Variants in MEIS2 observed in about 807,000 individuals in gnomAD.
MEIS2 encodes Meis homeobox 2.
Under a neutral mutation model 58.6 loss-of-function variants are expected in MEIS2, and 9 were observed. The ratio of observed to expected loss-of-function variants is 0.15; its 90% CI spans 0.09 to 0.27. The LOEUF (loss-of-function observed/expected upper bound fraction) is 0.27, where lower values mean the gene tolerates loss of function less well. MEIS2 is among the 10% of genes least tolerant of loss of function. The pLI is 1.00. For synonymous variants in MEIS2, 221 were observed against 228.4 expected (o/e 0.97, Z 0.29); for missense variants, 427 against 635.0 (o/e 0.67, Z 3.52).
intron 8 of MEIS2, among the ~76,000 whole-genome samples, chr15:37,001,214 C>G (rs2060715984): frequency 6.6e-6 from 1 of 152,142 alleles, no homozygotes; most frequent in Non-Finnish European, 1.5e-5. Flanking sequence ...TCTCTAGTAT[C>G]TTCTTGGGCC....
At position 37,093,572 on chromosome 15, in the gene MEIS2, C is replaced by G; in HGVS notation, c.639+9G>C. The G allele has an allele frequency of 6.2e-7, 1 of 1,613,930 alleles. No individual in the cohort carries two copies. The highest frequency in any genetic ancestry group is 8.5e-7 in the Non-Finnish European group (1 of 1,179,840). On this transcript the variant is annotated intron_variant, in intron 6 of 11. Coordinates refer to ENST00000561208, the MANE Select transcript of MEIS2 (RefSeq NM_170675.5). Reference sequence around the variant, plus strand: ...GCCTTAAAAGATTGCTAAAGGCTAGCAGACTTACATGGTCAGCGAGATTTG... The same window carrying G: ...GCCTTAAAAGATTGCTAAAGGCTAGGAGACTTACATGGTCAGCGAGATTTG...
intron 7 of MEIS2, among the ~76,000 whole-genome samples, chr15:37,054,672 A>G (rs1007833846): frequency 6.6e-6 from 1 of 151,746 alleles, no homozygotes; most frequent in African/African-American, 2.4e-5. Flanking sequence ...TCCTGTCTCA[A>G]CCTCCCAAAG....
chr15:36,917,364 T>C (rs1241785499), intron 9 of MEIS2, among the ~76,000 whole-genome samples: 1 of 152,190 alleles, frequency 6.6e-6, no homozygotes, highest in African/African-American at 2.4e-5. Context: ...TCTGTAGTGG[T>C]TGGCATTTTA....
rs563260094 is a variant in MEIS2, at chr15:37,056,822, G to A, written c.755-19863C>T. ...CCTGACCCCCACCCTGGGCACAATG[G>A]AGCAGGGTCCAGCTCCGAACCGCTC... On this transcript the variant is annotated intron_variant, in intron 7 of 11. Coordinates refer to ENST00000561208, the MANE Select transcript of MEIS2 (RefSeq NM_170675.5). Among the ~76,000 whole-genome samples the A allele has an allele frequency of 3.5e-4, 53 of 152,332 alleles. 2 individuals carry two copies. The South Asian group carries it at 0.011, about 31-fold the overall frequency.
At position 36,922,781 on chromosome 15, in the gene MEIS2, T is replaced by C. The variant is rs561864643; in HGVS notation, c.978-26095A>G. On this transcript the variant is annotated intron_variant, in intron 9 of 11. Transcript: ENST00000561208. The stretch of plus-strand genomic sequence containing the variant: ...CGCATGCCACCACACCCGCCTAATA[T>C]TTGTATTTTTTTTTTTTTTAGAGAT... Among the ~76,000 whole-genome samples, 407 of 151,782 alleles carry C rather than the reference T, an allele frequency of 2.7e-3. 1 individual carries two copies. Among genetic ancestry groups the C allele is most frequent in the Non-Finnish European group, 4.3e-3 (294 of 67,916 alleles).
At chr15:37,043,634 G>A (rs753537563) in intron 7 of MEIS2, among the ~76,000 whole-genome samples, 10 of 150,968 alleles carry the variant, frequency 6.6e-5, no homozygotes, top group Non-Finnish European at 1.2e-4. Context: ...ATAGTTCGTA[G>A]GTGTTTTCAG....
intron 8 of MEIS2, among the ~76,000 whole-genome samples, chr15:37,027,029 C>T (rs2061730665): frequency 6.6e-6 from 1 of 152,112 alleles, no homozygotes; most frequent in African/African-American, 2.4e-5. Flanking sequence ...TAAAGGGTGC[C>T]AGTGATTATT....
chr15:37,044,307 T>C (rs1265724446), intron 7 of MEIS2, among the ~76,000 whole-genome samples: 4 of 152,198 alleles, frequency 2.6e-5, no homozygotes. Context: ...AGAGAGGCCC[T>C]GTATGTTCAC....
intron 8 of MEIS2, among the ~76,000 whole-genome samples, chr15:37,014,188 T>C (rs546629049): frequency 2.6e-5 from 4 of 152,194 alleles, no homozygotes; most frequent in Non-Finnish European, 5.9e-5. Flanking sequence ...TGCTTAGATA[T>C]ATGTGAAGCG....
chr15:37,058,903 C>G (rs532228777), intron 7 of MEIS2, among the ~76,000 whole-genome samples: 2 of 151,476 alleles, frequency 1.3e-5, no homozygotes, highest in African/African-American at 4.8e-5. Context: ...ATTTTTAAAG[C>G]AAACATACAT....
chr15:36,916,308 T>C (rs1222353411), intron 9 of MEIS2, among the ~76,000 whole-genome samples: 1 of 151,432 alleles, frequency 6.6e-6, no homozygotes, highest in Non-Finnish European at 1.5e-5. Flanking sequence ...GCGCCTGCAG[T>C]CCCAACTACG....
chr15:36,906,817 C>G, intron 9 of MEIS2, among the ~76,000 whole-genome samples: 1 of 152,180 alleles, frequency 6.6e-6, no homozygotes, highest in East Asian at 1.9e-4. Context: ...AAAATTACTT[C>G]CTTCCTCTTC....
At chr15:36,925,500 T>A (rs529250202) in intron 9 of MEIS2, among the ~76,000 whole-genome samples, 366 of 152,002 alleles carry the variant, frequency 2.4e-3, no homozygotes, top group East Asian at 3.3e-3. Flanking sequence ...CATTTTTTTT[T>A]ATTGAATTTC....
intron 9 of MEIS2, among the ~76,000 whole-genome samples, chr15:36,919,663 T>C (rs914774837): frequency 1.3e-5 from 2 of 152,196 alleles, no homozygotes; most frequent in Non-Finnish European, 2.9e-5. Context: ...AGTTTATGTG[T>C]ACAGTGGTCC....
intron 8 of MEIS2, among the ~76,000 whole-genome samples, chr15:36,957,403 T>C (rs2059019305): frequency 1.3e-5 from 2 of 152,322 alleles, no homozygotes; most frequent in South Asian, 4.1e-4. Flanking sequence ...TTGAATTCAG[T>C]AAAATTCCCT....
At chr15:36,951,005 G>C (rs542163985) in intron 8 of MEIS2, among the ~76,000 whole-genome samples, 4 of 152,078 alleles carry the variant, frequency 2.6e-5, no homozygotes, top group Admixed American at 6.6e-5. Flanking sequence ...TACTGTTACT[G>C]CTCTAACAGG....
chr15:36,895,002 T>TC (rs397717889), intron 11 of MEIS2, 149 bp downstream of exon 11: 68 of 901,954 alleles, frequency 7.5e-5, no homozygotes, highest in South Asian at 2.3e-4. Context: ...AGGAATTTTT[T>TC]CCCCCACCCA....
chr15:36,962,359 G>C (rs2059214811), intron 8 of MEIS2, among the ~76,000 whole-genome samples: 1 of 152,046 alleles, frequency 6.6e-6, no homozygotes, highest in African/African-American at 2.4e-5. Flanking sequence ...TTGCTTCCAG[G>C]ACTCCCTCAG....
At chr15:36,939,800 T>G (rs536177478) in intron 9 of MEIS2, among the ~76,000 whole-genome samples, 1 of 152,300 alleles carries the variant, frequency 6.6e-6, no homozygotes, top group African/African-American at 2.4e-5. Flanking sequence ...TGTAATGGGA[T>G]TTGACTTATT....
Sources: allele counts gnomAD v4.1 joint callset (sites outside exome capture counted in the v4.1 genomes callset), GRCh38; gene constraint gnomAD v4.1.1; transcripts MANE v1.5; gene names NCBI Gene and HGNC (gene_info 2026-07-23, HGNC 2026-07-21).